SLC35F1: variants seen among roughly 807,000 people sequenced by gnomAD.
SLC35F1 encodes the protein chromosome 6 open reading frame 169.
Under a neutral mutation model 48.7 loss-of-function variants are expected in SLC35F1, and 14 were observed. The ratio of observed to expected loss-of-function variants is 0.29; its 90% confidence interval spans 0.19 to 0.45. The LOEUF (loss-of-function observed/expected upper bound fraction) is 0.45, where lower values mean the gene tolerates loss of function less well. SLC35F1 is among the 20% of genes least tolerant of loss of function. The probability of loss-of-function intolerance (pLI) is 1.00; values close to 1 mark genes in which losing one functional copy is unlikely to be tolerated. For missense variants in SLC35F1, 404 were observed against 500.0 expected (o/e 0.81, Z 1.83); for synonymous variants, 190 against 202.2 (o/e 0.94, Z 0.51).
At chr6:118,197,991 TC>T (rs1400401774) in intron 2 of SLC35F1, among the ~76,000 whole-genome samples, 2 of 152,218 alleles carry the variant, frequency 1.3e-5, no homozygotes, top group East Asian at 3.8e-4. Flanking sequence ...AAGAAAATTT[TC>T]TTTTATTAAG....
intron 1 of SLC35F1, among the ~76,000 whole-genome samples, chr6:117,942,335 T>A (rs1479539332): frequency 6.6e-6 from 1 of 151,802 alleles, no homozygotes; most frequent in Non-Finnish European, 1.5e-5. Flanking sequence ...GGGAGAAGAG[T>A]TTTTTGAATA....
chr6:117,929,688 T>C (rs1776075777), intron 1 of SLC35F1, among the ~76,000 whole-genome samples: 1 of 152,076 alleles, frequency 6.6e-6, no homozygotes. Flanking sequence ...CTTCAACTGA[T>C]TGGATGAGAC....
At chr6:118,067,029 C>T (rs1164343796) in intron 1 of SLC35F1, among the ~76,000 whole-genome samples, 1 of 152,092 alleles carries the variant, frequency 6.6e-6, no homozygotes, top group Non-Finnish European at 1.5e-5. Context: ...AAACACTGAA[C>T]TAGGGCTGCA....
intron 2 of SLC35F1, among the ~76,000 whole-genome samples, chr6:118,180,219 G>A (rs1774553804): frequency 6.6e-6 from 1 of 152,072 alleles, no homozygotes; most frequent in Non-Finnish European, 1.5e-5. Context: ...AGTTTCCCTA[G>A]GTGTTTGGCA....
intron 1 of SLC35F1, among the ~76,000 whole-genome samples, chr6:118,117,946 T>C (rs563854025): frequency 1.3e-5 from 2 of 152,326 alleles, no homozygotes; most frequent in South Asian, 2.1e-4. Flanking sequence ...TGTTTCATGA[T>C]ACGAATATAG....
chr6:118,051,550 T>G (rs1772391869), intron 1 of SLC35F1, among the ~76,000 whole-genome samples: 1 of 152,222 alleles, frequency 6.6e-6, no homozygotes, highest in Non-Finnish European at 1.5e-5. Flanking sequence ...TGTATATTTG[T>G]CACTGTTTAA....
intron 6 of SLC35F1, among the ~76,000 whole-genome samples, chr6:118,284,091 T>A (rs1347125296): frequency 1.3e-5 from 2 of 152,206 alleles, no homozygotes; most frequent in Non-Finnish European, 2.9e-5. Flanking sequence ...GCACTTTTCA[T>A]ATGGGTAAAC....
intron 1 of SLC35F1, among the ~76,000 whole-genome samples, chr6:117,920,985 ATAT>A (rs1469454878): frequency 2.6e-5 from 4 of 151,984 alleles, no homozygotes; most frequent in Non-Finnish European, 5.9e-5. Context: ...TGAATATGAG[ATAT>A]TATTTGTAAT....
chr6:117,994,135 T>G (rs1776954966), intron 1 of SLC35F1, among the ~76,000 whole-genome samples: 1 of 152,094 alleles, frequency 6.6e-6, no homozygotes, highest in South Asian at 2.1e-4. Context: ...GGTCCCTGTT[T>G]CCTTGCTGCC....
chr6:118,101,900 CAT>C (rs1773263604), intron 1 of SLC35F1, among the ~76,000 whole-genome samples: 1 of 152,182 alleles, frequency 6.6e-6, no homozygotes. Flanking sequence ...CCTCTCAAAT[CAT>C]ATGAGTTTAA....
At chr6:118,076,462 A>G (rs1772819726) in intron 1 of SLC35F1, among the ~76,000 whole-genome samples, 1 of 152,162 alleles carries the variant, frequency 6.6e-6, no homozygotes, top group African/African-American at 2.4e-5. Context: ...GGGAGGCCTC[A>G]GGAAACTTAC....
At chr6:118,286,430 A>G (rs1330954908) in intron 7 of SLC35F1, among the ~76,000 whole-genome samples, 1 of 152,202 alleles carries the variant, frequency 6.6e-6, no homozygotes, top group Non-Finnish European at 1.5e-5. Flanking sequence ...AGCTGAAGTG[A>G]ATAATCAGGA....
intron 7 of SLC35F1, among the ~76,000 whole-genome samples, chr6:118,298,553 T>C (rs1356266190): frequency 6.6e-6 from 1 of 152,196 alleles, no homozygotes; most frequent in East Asian, 1.9e-4. Flanking sequence ...ATGGTTTCTA[T>C]TCCTGACAAT....
At position 118,156,559 on chromosome 6, in the gene SLC35F1, A is replaced by T. The variant is rs1170385971; in HGVS notation, c.349+1939A>T. ...GGCTGGGGGAGGGATAGCATTAGGG[A>T]AAATATCTAATGTAAATGACGAGTT... On this transcript the variant is annotated intron_variant, in intron 2 of 7. Transcript: ENST00000360388. Among the ~76,000 whole-genome samples the T allele has an allele frequency of 3.9e-5, 6 of 152,204 alleles. No individual in the cohort carries two copies. In the East Asian group the frequency reaches 1.2e-3, roughly 29 times the overall value.
chr6:118,314,219 G>T lies in SLC35F1; in HGVS notation c.1194G>T (p.Glu398Asp). 1 of 1,614,176 alleles carries T rather than the reference G, an allele frequency of 6.2e-7. No homozygotes were observed. The highest frequency in any genetic ancestry group is 1.3e-5 in the African/African-American group (1 of 75,054). The change falls in exon 8 of 8, where the codon GAG becomes GAT. Residue 398 changes from glutamate to aspartate, a missense_variant. By Grantham distance (45) the Glu-to-Asp change is conservative. Around this residue, in one of 2 missense-constraint regions of SLC35F1, gnomAD observed 306 missense variants for 419.1 expected, o/e 0.73. Coordinates refer to ENST00000360388, the MANE Select transcript of SLC35F1 (RefSeq NM_001029858.4). ...PSVTYTSLGQ[E>D]TEEEPHVRVA ...TCACCTACACCAGCCTGGGCCAGGA[G>T]ACCGAAGAGGAGCCTCATGTTCGTG...
intron 1 of SLC35F1, among the ~76,000 whole-genome samples, chr6:118,055,026 C>T (rs987917913): frequency 1.3e-5 from 2 of 152,146 alleles, no homozygotes; most frequent in Non-Finnish European, 2.9e-5. Flanking sequence ...CCGCCTGCCT[C>T]GGCCTCCCAT....
chr6:118,097,648 G>A (rs564286050), intron 1 of SLC35F1, among the ~76,000 whole-genome samples: 1 of 152,294 alleles, frequency 6.6e-6, no homozygotes, highest in African/African-American at 2.4e-5. Context: ...CTTTATGCAG[G>A]AAATTGTATT....
chr6:118,035,682 ATTTTTT>A (rs745704672), intron 1 of SLC35F1, among the ~76,000 whole-genome samples: 49 of 87,326 alleles, frequency 5.6e-4, no homozygotes, highest in East Asian at 2.2e-3. Context: ...GGCTTTGTTA[ATTTTTT>A]TTTTTTTTTT....
At chr6:118,100,091 AG>A (rs1241501684) in intron 1 of SLC35F1, among the ~76,000 whole-genome samples, 1 of 152,188 alleles carries the variant, frequency 6.6e-6, no homozygotes, top group Non-Finnish European at 1.5e-5. Flanking sequence ...TTATAAGTGA[AG>A]AAACTGAAGC....
Sources: gnomAD v4.1 joint callset for allele counts (sites outside exome capture counted in the v4.1 genomes callset) on GRCh38, gnomAD v4.1.1 for gene constraint, gnomAD v4.1.1 regional missense constraint, MANE v1.5 for transcripts, NCBI Gene and HGNC (gene_info 2026-07-23, HGNC 2026-07-21) for gene names.